C12orf42: variants seen among roughly 807,000 people sequenced by gnomAD.
C12orf42 encodes the protein uncharacterized protein C12orf42.
C12orf42 carries 25 observed loss-of-function variants against 21.6 expected under a neutral mutation model. The ratio of observed to expected loss-of-function variants is 1.16; its 90% CI spans 0.84 to 1.62. C12orf42 has a LOEUF of 1.62. Among genes scored for constraint, C12orf42 ranks in the 40% most tolerant of loss-of-function variants. The pLI is 0.00. For missense variants in C12orf42, 483 were observed against 459.3 expected (o/e 1.05, Z -0.47); for synonymous variants, 174 against 175.0 (o/e 0.99, Z 0.05).
chr12:103,351,371 T>G (rs2043086945), intron 4 of C12orf42, among the ~76,000 whole-genome samples: 1 of 152,098 alleles, frequency 6.6e-6, no homozygotes, highest in South Asian at 2.1e-4. Context: ...TCTGTAAATC[T>G]TCTTCTACCA....
chr12:103,344,271 G>T (rs959824056), intron 4 of C12orf42, among the ~76,000 whole-genome samples: 7 of 152,190 alleles, frequency 4.6e-5, no homozygotes, highest in Non-Finnish European at 1.0e-4. Flanking sequence ...ACTTCCCGGA[G>T]CTGTGTTCTC....
the C12orf42 span, among the ~76,000 whole-genome samples, chr12:103,227,875 G>A: frequency 6.6e-6 from 1 of 152,156 alleles, no homozygotes; most frequent in Admixed American, 6.5e-5. Context: ...TTAAGAGAAG[G>A]GAGAGATTGA....
the C12orf42 span, among the ~76,000 whole-genome samples, chr12:103,231,540 C>T: frequency 5.9e-5 from 9 of 152,172 alleles, no homozygotes; most frequent in South Asian, 2.1e-4. Context: ...TCCAGAATAT[C>T]GTATAGTTGG....
chr12:103,048,483 C>G, the C12orf42 span, among the ~76,000 whole-genome samples: 2 of 152,122 alleles, frequency 1.3e-5, no homozygotes, highest in South Asian at 4.2e-4. Flanking sequence ...ACGTGTGGAA[C>G]GTCTGACCAA....
chr12:103,533,407 C>T, the C12orf42 span, among the ~76,000 whole-genome samples: 120 of 152,244 alleles, frequency 7.9e-4, 2 homozygotes, highest in East Asian at 0.022. Context: ...GTCCATTGTG[C>T]TTTTGGTCCT....
At chr12:103,121,617 G>T in the C12orf42 span, among the ~76,000 whole-genome samples, 2 of 152,166 alleles carry the variant, frequency 1.3e-5, no homozygotes, top group Non-Finnish European at 2.9e-5. Context: ...CAGTGACCAC[G>T]CTATCATCAT....
chr12:103,366,318 A>G (rs1289979382), intron 4 of C12orf42, among the ~76,000 whole-genome samples: 1 of 152,152 alleles, frequency 6.6e-6, no homozygotes, highest in Non-Finnish European at 1.5e-5. Flanking sequence ...TCTACCCAAG[A>G]TGGATCAAGG....
At position 103,369,004 on chromosome 12, in the gene C12orf42, A is replaced by G; in HGVS notation, c.148-6T>C. The stretch of plus-strand genomic sequence containing the variant: ...CTTTCATAACAAGGGATGTGCTGTA[A>G]GATAGAGGAGAAAAATACACACAAA... On this transcript the variant is annotated splice_region_variant and splice_polypyrimidine_tract_variant and intron_variant, in intron 3 of 5. Coordinates refer to ENST00000548883, the MANE Select transcript of C12orf42 (RefSeq NM_198521.5). The G allele has an allele frequency of 6.6e-7, 1 of 1,508,086 alleles. No homozygotes were observed. Among genetic ancestry groups the G allele is most frequent in the South Asian group, 1.2e-5 (1 of 82,846 alleles). The allele number at this position is 1,508,086 out of a possible 1,614,324, so 93.4% of individuals were successfully genotyped here.
the C12orf42 span, chr12:103,162,916 A>G: frequency 2.6e-5 from 4 of 152,226 alleles, no homozygotes; most frequent in Admixed American, 6.5e-5. Flanking sequence ...CTGGAAAGAA[A>G]TGGCGCTTCT....
chr12:103,066,503 T>C, the C12orf42 span, among the ~76,000 whole-genome samples: 1,630 of 152,324 alleles, frequency 0.011, 12 homozygotes, highest in South Asian at 0.019. Flanking sequence ...CTGCACGATA[T>C]GCAGGCACCA....
At chr12:103,452,130 C>A (rs1015100966) in intron 2 of C12orf42, among the ~76,000 whole-genome samples, 3 of 151,930 alleles carry the variant, frequency 2.0e-5, no homozygotes, top group Non-Finnish European at 4.4e-5. Context: ...AGGACCAGAT[C>A]ATCTAGGATG....
intron 10 of C12orf42, among the ~76,000 whole-genome samples, chr12:103,247,886 A>T (rs2034089458): frequency 6.6e-6 from 1 of 152,098 alleles, no homozygotes; most frequent in African/African-American, 2.4e-5. Flanking sequence ...GGGCCCAGGC[A>T]CTATGCTCAA....
the C12orf42 span, among the ~76,000 whole-genome samples, chr12:103,141,552 A>T: frequency 6.8e-6 from 1 of 147,704 alleles, no homozygotes; most frequent in Non-Finnish European, 1.5e-5. Context: ...TTTTTGAGAC[A>T]GAGTTTTGCT....
chr12:103,093,514 A>T, the C12orf42 span, among the ~76,000 whole-genome samples: 1 of 152,166 alleles, frequency 6.6e-6, no homozygotes, highest in South Asian at 2.1e-4. Flanking sequence ...CAGCTCCCTT[A>T]TGCATATACA....
the C12orf42 span, among the ~76,000 whole-genome samples, chr12:103,156,688 A>G: frequency 6.6e-6 from 1 of 151,784 alleles, no homozygotes; most frequent in Non-Finnish European, 1.5e-5. Flanking sequence ...ATGTGTTCTC[A>G]TTGTTCAACT....
chr12:103,152,536 G>A, the C12orf42 span, among the ~76,000 whole-genome samples: 1 of 151,982 alleles, frequency 6.6e-6, no homozygotes, highest in Admixed American at 6.6e-5. Flanking sequence ...AGGAAAAAAT[G>A]AATAAAACTG....
chr12:103,089,416 C>A, the C12orf42 span, among the ~76,000 whole-genome samples: 4 of 152,202 alleles, frequency 2.6e-5, no homozygotes. Context: ...CAGCCTAGAA[C>A]ACTTAGGAAA....
chr12:103,225,583 G>T, the C12orf42 span, among the ~76,000 whole-genome samples: 17 of 152,184 alleles, frequency 1.1e-4, no homozygotes, highest in East Asian at 3.3e-3. Context: ...AAGAAGGGCG[G>T]CAATGAGATA....
At chr12:103,351,917 C>A (rs917358225) in intron 4 of C12orf42, among the ~76,000 whole-genome samples, 7 of 152,004 alleles carry the variant, frequency 4.6e-5, no homozygotes, top group South Asian at 2.1e-4. Context: ...CTCATTTTCT[C>A]CCTCTCTATC....
Sources: gnomAD v4.1 joint callset for allele counts (sites outside exome capture counted in the v4.1 genomes callset) on GRCh38, gnomAD v4.1.1 for gene constraint, MANE v1.5 for transcripts, NCBI Gene and HGNC (gene_info 2026-07-23, HGNC 2026-07-21) for gene names.